EVI5: variants seen among roughly 807,000 people sequenced by gnomAD.
EVI5 encodes the protein ecotropic viral integration site 5 protein homolog.
EVI5 carries 73 observed loss-of-function variants against 112.0 expected under a neutral mutation model. The observed-to-expected ratio is 0.65, with a 90% CI of 0.54 to 0.79. The LOEUF is 0.79. EVI5 is among the 30% of genes least tolerant of loss of function. The probability of loss-of-function intolerance (pLI) is 0.00; values close to 1 mark genes in which losing one functional copy is unlikely to be tolerated. For synonymous variants in EVI5, 305 were observed against 319.9 expected (o/e 0.95, Z 0.50); for missense variants, 900 against 968.8 (o/e 0.93, Z 0.94).
chr1:92,731,829 T>C (rs969943465), intron 2 of EVI5, among the ~76,000 whole-genome samples: 1 of 152,258 alleles, frequency 6.6e-6, no homozygotes, highest in South Asian at 2.1e-4. Flanking sequence ...ACAGGAATAA[T>C]TAGATGTCCA....
intron 14 of EVI5, among the ~76,000 whole-genome samples, chr1:92,634,996 T>A (rs1658430366): frequency 6.6e-6 from 1 of 152,212 alleles, no homozygotes. Context: ...GAACAGCAGA[T>A]ATTTGGTGAA....
At chr1:92,662,479 G>A (rs903659864) in intron 13 of EVI5, among the ~76,000 whole-genome samples, 1 of 151,930 alleles carries the variant, frequency 6.6e-6, no homozygotes, top group African/African-American at 2.4e-5. Context: ...ACAGTGTAAG[G>A]AAAGAAAATA....
At chr1:92,644,955 A>C (rs967434375) in intron 13 of EVI5, among the ~76,000 whole-genome samples, 2 of 152,172 alleles carry the variant, frequency 1.3e-5, no homozygotes, top group Non-Finnish European at 2.9e-5. Context: ...TAAATCTTCC[A>C]TGTATGTTTG....
At chr1:92,657,349 G>GA (rs1194187387) in intron 13 of EVI5, among the ~76,000 whole-genome samples, 1 of 152,006 alleles carries the variant, frequency 6.6e-6, no homozygotes, top group Non-Finnish European at 1.5e-5. Flanking sequence ...ATTAAAAACA[G>GA]AAAAAACCCA....
intron 18 of EVI5, among the ~76,000 whole-genome samples, chr1:92,578,970 C>T (rs924613512): frequency 3.9e-5 from 6 of 152,108 alleles, no homozygotes; most frequent in African/African-American, 7.2e-5. Context: ...GCCTCAGTCT[C>T]GCAAAGTGCT....
rs1648302652 is a variant in EVI5, at chr1:92,598,012, T to C, written c.2070+7295A>G. Among the ~76,000 whole-genome samples the C allele has an allele frequency of 2.0e-5, 3 of 152,156 alleles. No individual in the cohort carries two copies. In the South Asian group the frequency reaches 6.2e-4, roughly 32 times the overall value. On this transcript the variant is annotated intron_variant, in intron 18 of 19. Coordinates refer to ENST00000684568, the MANE Select transcript of EVI5 (RefSeq NM_001350197.2). ...AGGTCAAGGCTGCAGTGAGCTATGA[T>C]CACACCACTGCACTCTGGTCTGAGC... is the stretch of plus-strand genomic sequence containing the variant.
chr1:92,588,557 C>T (rs1391706216), intron 18 of EVI5, among the ~76,000 whole-genome samples: 2 of 152,218 alleles, frequency 1.3e-5, no homozygotes, highest in Non-Finnish European at 1.5e-5. Flanking sequence ...AATATCTTCT[C>T]ATTCTCACAT....
At chr1:92,624,459 C>G in intron 15 of EVI5, 125 bp from the exon 16 acceptor site, 1 of 725,828 alleles carries the variant, frequency 1.4e-6, no homozygotes, top group East Asian at 2.7e-5. Flanking sequence ...TTATTTAATC[C>G]CTAGAAAATC....
chr1:92,571,135 G>C (rs1195145918), intron 18 of EVI5, among the ~76,000 whole-genome samples: 1 of 150,050 alleles, frequency 6.7e-6, no homozygotes, highest in East Asian at 1.9e-4. Flanking sequence ...CAAAAAGTTG[G>C]ACTATAATGA....
At chr1:92,546,307 G>GT (rs1665688800) in intron 19 of EVI5, among the ~76,000 whole-genome samples, 1 of 152,170 alleles carries the variant, frequency 6.6e-6, no homozygotes, top group African/African-American at 2.4e-5. Context: ...TCCCCTGACT[G>GT]AAGTCCACTG....
chr1:92,687,772 A>G (rs919187997), intron 9 of EVI5, among the ~76,000 whole-genome samples: 2 of 152,264 alleles, frequency 1.3e-5, no homozygotes, highest in Non-Finnish European at 2.9e-5. Context: ...TGCAGCCAAC[A>G]GACATGTGAT....
intron 2 of EVI5, chr1:92,714,205 A>G: frequency 1.2e-6 from 1 of 852,580 alleles, no homozygotes; most frequent in Non-Finnish European, 1.4e-6. Flanking sequence ...TTAAAAAGTA[A>G]TAGCCGCAGT....
chr1:92,683,760 A>T (rs1179991591), intron 9 of EVI5, among the ~76,000 whole-genome samples: 1 of 152,222 alleles, frequency 6.6e-6, no homozygotes, highest in Non-Finnish European at 1.5e-5. Flanking sequence ...TTCGTGACAC[A>T]TGCACAAGCT....
intron 12 of EVI5, 106 bp from the exon 13 acceptor site, chr1:92,662,971 A>AG: frequency 3.7e-6 from 2 of 547,056 alleles, no homozygotes; most frequent in Non-Finnish European, 2.5e-6. Context: ...AAAAAAAAAA[A>AG]AGTCACCTCA....
chr1:92,564,310 T>C (rs1248384452), intron 18 of EVI5, among the ~76,000 whole-genome samples: 2 of 152,184 alleles, frequency 1.3e-5, no homozygotes, highest in Non-Finnish European at 2.9e-5. Context: ...ATTTATCTAG[T>C]TATTTTGAGG....
chr1:92,643,647 TAC>T (rs1455596036), intron 13 of EVI5, among the ~76,000 whole-genome samples: 19 of 152,204 alleles, frequency 1.2e-4, no homozygotes, highest in African/African-American at 4.6e-4. Flanking sequence ...AGCAGTGATC[TAC>T]TAAAGACAAT....
At chr1:92,687,089 C>T (rs947876332) in intron 9 of EVI5, among the ~76,000 whole-genome samples, 1 of 152,166 alleles carries the variant, frequency 6.6e-6, no homozygotes, top group Non-Finnish European at 1.5e-5. Context: ...CGAAACAATC[C>T]TAAGCAAAAA....
intron 18 of EVI5, among the ~76,000 whole-genome samples, chr1:92,590,743 A>C (rs188934052): frequency 2.5e-3 from 374 of 152,332 alleles, no homozygotes; most frequent in Admixed American, 3.8e-3. Flanking sequence ...CCAACATTCA[A>C]ATTCAGGAAA....
At position 92,616,751 on chromosome 1, in the gene EVI5, T is replaced by C. The variant is rs570890269; in HGVS notation, c.1827+7425A>G. ...CAGCTGTTGGCCTGTTACTGGACTTTGGTGGAAACTGAACCATTGTTCATC... is the reference window on the plus strand; with the variant it reads ...CAGCTGTTGGCCTGTTACTGGACTTCGGTGGAAACTGAACCATTGTTCATC... On this transcript the variant is annotated intron_variant, in intron 16 of 19. Transcript: ENST00000684568. Among the ~76,000 whole-genome samples, 24 of 152,266 alleles carry C rather than the reference T, an allele frequency of 1.6e-4. No individual in the cohort carries two copies. In the East Asian group the frequency reaches 4.6e-3, roughly 29 times the overall value.
Sources: gnomAD v4.1 joint callset for allele counts (sites outside exome capture counted in the v4.1 genomes callset) on GRCh38, gnomAD v4.1.1 for gene constraint, MANE v1.5 for transcripts, NCBI Gene and HGNC (gene_info 2026-07-23, HGNC 2026-07-21) for gene names.